The following SEMA6B variants were observed in gnomAD, a reference collection of about 807,000 sequenced individuals.
SEMA6B encodes the protein semaphorin 6B, also known as semaphorin-6B.
A neutral mutation model predicts 78.6 loss-of-function variants in SEMA6B; 47 were observed. That is an observed-to-expected ratio of 0.60 (90% CI 0.47 to 0.76). The LOEUF is 0.76. SEMA6B is among the 30% of genes least tolerant of loss of function. The probability of loss-of-function intolerance (pLI) is 0.00; values close to 1 mark genes in which losing one functional copy is unlikely to be tolerated. For synonymous variants in SEMA6B, 632 were observed against 592.2 expected (o/e 1.07, Z -0.98); for missense variants, 1,213 against 1,269.9 (o/e 0.96, Z 0.68).
In SEMA6B at chr19:4,552,475, G is replaced by A. The variant is rs1030369302; in HGVS notation, c.936C>T (p.Val312=). The A allele has an allele frequency of 1.2e-6, 2 of 1,610,064 alleles. No individual in the cohort carries two copies. Among genetic ancestry groups the A allele is most frequent in the South Asian group, 1.1e-5 (1 of 90,610 alleles). The change falls in exon 10 of 17, where the codon GTC becomes GTT. Residue 312 remains valine (V), a synonymous_variant. Transcript: ENST00000586582. This position sits in a 1 kb window ranked among gnomAD's most constrained non-coding sequence, Gnocchi z 7.4. ...FNVLQAVTGV[V]SLGGRPVVLA... The stretch of plus-strand genomic sequence containing the variant: ...GGACCACGGGCCGGCCCCCGAGGCT[G>A]ACCACGCCCGTGACAGCCTGCAGCA...
intron 14 of SEMA6B, among the ~76,000 whole-genome samples, chr19:4,547,360 G>A (rs947759298): frequency 1.3e-5 from 2 of 152,200 alleles, no homozygotes; most frequent in African/African-American, 2.4e-5. Context: ...GCAAACTGAC[G>A]CTCCAGAAAG....
intron 4 of SEMA6B, 61 bp from the exon 5 acceptor site, chr19:4,557,074 C>T (rs767356071): frequency 9.4e-6 from 15 of 1,591,990 alleles, no homozygotes; most frequent in Non-Finnish European, 8.6e-6. Context: ...GTGACCCCGC[C>T]GTGCTGGGCC....
At chr19:4,545,943 T>G (rs1365437545) in intron 16 of SEMA6B, 6 of 247,182 alleles carry the variant, frequency 2.4e-5, no homozygotes, top group Non-Finnish European at 4.8e-5. Context: ...GGCTAATTTT[T>G]TGTATTTTTA....
At chr19:4,556,215 G>C (rs1035482994) in intron 5 of SEMA6B, 126 bp from the exon 6 acceptor site, 2 of 691,648 alleles carry the variant, frequency 2.9e-6, no homozygotes, top group African/African-American at 1.7e-5. Flanking sequence ...GGCAGGGGCT[G>C]AACCTAGGAC....
chr19:4,544,310 C>A lies in SEMA6B; in HGVS notation c.1958G>T (p.Arg653Leu). Residue 653 changes from arginine (R) to leucine (L), a missense_variant, in exon 17 of 17, where the codon CGC becomes CTC. By Grantham distance (102) the Arg-to-Leu change is moderately radical. Transcript: ENST00000586582. This position sits in a 1 kb window ranked among gnomAD's most constrained non-coding sequence, Gnocchi z 5.1. ...ACCCTGCGCCCTGCGCTCGCCCAGGCGGCTGACGCTCAGCACCGCCTCGCC... is the reference window on the plus strand; with the variant it reads ...ACCCTGCGCCCTGCGCTCGCCCAGGAGGCTGACGCTCAGCACCGCCTCGCC... ...GAGEAVLSVS[R>L]LGERRAQGPG... The A allele has an allele frequency of 1.4e-6, 2 of 1,481,420 alleles. No homozygotes were observed. The highest frequency in any genetic ancestry group is 1.8e-6 in the Non-Finnish European group (2 of 1,121,458). 91.8% of individuals were successfully genotyped at this position (1,481,420 alleles called of 1,614,324 possible).
At position 4,543,450 on chromosome 19, in the gene SEMA6B, T is replaced by C; in HGVS notation, c.*151A>G. Reference sequence around the variant, plus strand: ...GGGAGGGCGAGCTGGTTGTGCTTCCTTGTGGCGGAGGGGGCCCCCCACTCC... The same window carrying C: ...GGGAGGGCGAGCTGGTTGTGCTTCCCTGTGGCGGAGGGGGCCCCCCACTCC... On this transcript the variant is annotated 3_prime_UTR_variant, in exon 17 of 17. Coordinates refer to ENST00000586582, the MANE Select transcript of SEMA6B (RefSeq NM_032108.4). 1 of 151,538 alleles carries C rather than the reference T, an allele frequency of 6.6e-6. No individual in the cohort carries two copies. Among genetic ancestry groups the C allele is most frequent in the Non-Finnish European group, 1.2e-5 (1 of 81,150 alleles). The allele number at this position is 151,538 out of a possible 1,614,324, so 9.4% of individuals were successfully genotyped here.
rs772782783 is a variant in SEMA6B, at chr19:4,548,443, T to C, written c.1274A>G (p.His425Arg). 3.7e-6 allele frequency: 6 copies of C among 1,611,188 alleles called. No homozygotes were observed. Among genetic ancestry groups the C allele is most frequent in the East Asian group, 2.2e-5 (1 of 44,808 alleles). The change falls in exon 13 of 17, where the codon CAC (histidine) becomes CGC (arginine). Residue 425 changes from histidine to arginine, a missense_variant and splice_region_variant. His to Arg is a conservative substitution (Grantham distance 29). Coordinates refer to ENST00000586582, the MANE Select transcript of SEMA6B (RefSeq NM_032108.4). ...GTCCACAGCCACTCGAGTCAGCTGG[T>C]GCCTGGGGGACAGGGCAGGGGAGGG... ...APWILRTLMRHQLTRVAVDVG... is the reference protein window; with the variant it reads ...APWILRTLMRRQLTRVAVDVG...
Position 4,544,538 on chromosome 19 carries a change from G to A in SEMA6B, c.1739-9C>T, listed in dbSNP as rs777859187. The A allele has an allele frequency of 3.4e-5, 50 of 1,483,494 alleles. No homozygotes were observed. The African/African-American group carries it at 5.6e-4, about 17-fold the overall frequency. The allele number at this position is 1,483,494 out of a possible 1,614,324, so 91.9% of individuals were successfully genotyped here. ...GCTGGCCCGCAGGAGTCCTGGCCGG[G>A]GAGCACAGGGGGGTTAGTGGGGCCG... On this transcript the variant is annotated splice_polypyrimidine_tract_variant and intron_variant, in intron 16 of 16. Coordinates refer to ENST00000586582, the MANE Select transcript of SEMA6B (RefSeq NM_032108.4). The surrounding 1 kb of genome is among the most constrained non-coding windows in gnomAD (Gnocchi z 5.1).
rs780160077 is a variant in SEMA6B at position 4,550,975 on chromosome 19, C to T, written c.990-45G>A. ...GAGTTTGGTGAGCCCGGTGGGAGGC[C>T]CCATCTCGGACAAGTGCGTGCAGGA... On this transcript the variant is annotated intron_variant, in intron 10 of 16. Coordinates refer to ENST00000586582, the MANE Select transcript of SEMA6B (RefSeq NM_032108.4). This position sits in a 1 kb window ranked among gnomAD's most constrained non-coding sequence, Gnocchi z 6.6. 1.9e-6 allele frequency: 3 copies of T among 1,608,972 alleles called. No individual in the cohort carries two copies. The highest frequency in any genetic ancestry group is 1.1e-5 in the South Asian group (1 of 90,782).
Position 4,544,630 on chromosome 19 carries a change from T to G in SEMA6B, c.1739-101A>C. 1 of 602,084 alleles carries G rather than the reference T, an allele frequency of 1.7e-6. No homozygotes were observed. Among genetic ancestry groups the G allele is most frequent in the Non-Finnish European group, 2.4e-6 (1 of 409,068 alleles). The allele number at this position is 602,084 out of a possible 1,614,324, so 37.3% of individuals were successfully genotyped here. ...TCTGTCCTCTTTTTTATTATTTTTA[T>G]TTTTTTTTATTTATTTATTTTTTGA... is the stretch of plus-strand genomic sequence containing the variant. On this transcript the variant is annotated intron_variant, in intron 16 of 16. Coordinates refer to ENST00000586582, the MANE Select transcript of SEMA6B (RefSeq NM_032108.4). This position sits in a 1 kb window ranked among gnomAD's most constrained non-coding sequence, Gnocchi z 5.1.
At chr19:4,545,308 T>C (rs1599773055) in intron 16 of SEMA6B, among the ~76,000 whole-genome samples, 1 of 141,148 alleles carries the variant, frequency 7.1e-6, no homozygotes. Context: ...ACTACTGCAC[T>C]CCAGCCTGGG....
At chr19:4,556,825 G>C (rs1977483136) in intron 5 of SEMA6B, 126 bp downstream of exon 5, 3 of 789,934 alleles carry the variant, frequency 3.8e-6, no homozygotes, top group Non-Finnish European at 5.8e-6. Context: ...GGCCAGGGCT[G>C]ATTGGGGGTG....
Position 4,557,188 on chromosome 19 carries a change from G to T in SEMA6B, c.281C>A (p.Thr94Lys). Residue 94 changes from threonine (T) to lysine (K), a missense_variant, in exon 4 of 17, where the codon ACG becomes AAG. Thr to Lys is a moderately conservative substitution (Grantham distance 78, BLOSUM62 -1). Coordinates refer to ENST00000586582, the MANE Select transcript of SEMA6B (RefSeq NM_032108.4). ...NLYRVELEPP[T>K]STELRYQRKL... ...CCTCTGGTACCGCAGCTCCGTGGAC[G>T]TGGGGGGCTCCAGCTCTACGCGGTA... is the stretch of plus-strand genomic sequence containing the variant. 6.2e-7 allele frequency: 1 copy of T among 1,607,300 alleles called. No individual in the cohort carries two copies. The highest frequency in any genetic ancestry group is 8.5e-7 in the Non-Finnish European group (1 of 1,176,270).
chr19:4,550,649 C>A lies in SEMA6B; in HGVS notation c.1121+150G>T. On this transcript the variant is annotated intron_variant, in intron 11 of 16. Coordinates refer to ENST00000586582, the MANE Select transcript of SEMA6B (RefSeq NM_032108.4). The surrounding 1 kb of genome is among the most constrained non-coding windows in gnomAD (Gnocchi z 6.6). The stretch of plus-strand genomic sequence containing the variant: ...AAAGGGCTAGGATTACAGGCGTGAG[C>A]CACCACACCAGGCCTCAGTTTTTCC... The A allele has an allele frequency of 3.0e-6, 3 of 984,150 alleles. No homozygotes were observed. The highest frequency in any genetic ancestry group is 3.0e-6 in the Non-Finnish European group (2 of 671,934). 61.0% of individuals were successfully genotyped at this position (984,150 alleles called of 1,614,324 possible). A position where few individuals can be genotyped will look rare whatever the true frequency, so the allele number is the denominator to read the frequency against.
At position 4,555,382 on chromosome 19, in the gene SEMA6B, C is replaced by A; in HGVS notation, c.562+92G>T. 8.6e-7 allele frequency: 1 copy of A among 1,161,052 alleles called. No homozygotes were observed. The highest frequency in any genetic ancestry group is 1.4e-5 in the South Asian group (1 of 69,468). The allele number at this position is 1,161,052 out of a possible 1,614,324, so 71.9% of individuals were successfully genotyped here. A position where few individuals can be genotyped will look rare whatever the true frequency, so the allele number is the denominator to read the frequency against. ...ACAGCTGGGACAAGTGGTCGTCCAG[C>A]TGCCTTCTAAACAACCCAGACGCTG... On this transcript the variant is annotated intron_variant, in intron 7 of 16. Coordinates refer to ENST00000586582, the MANE Select transcript of SEMA6B (RefSeq NM_032108.4). The surrounding 1 kb of genome is among the most constrained non-coding windows in gnomAD (Gnocchi z 6.1).
chr19:4,549,938 GTC>G (rs1336990560), intron 12 of SEMA6B, among the ~76,000 whole-genome samples, 183 bp downstream of exon 12: 6 of 152,228 alleles, frequency 3.9e-5, no homozygotes, highest in African/African-American at 1.4e-4. Context: ...TGATCCCTCT[GTC>G]TCTCTCTTTG....
chr19:4,556,569 G>A (rs1261680485), intron 5 of SEMA6B, among the ~76,000 whole-genome samples: 1 of 150,400 alleles, frequency 6.6e-6, no homozygotes, highest in Admixed American at 6.7e-5. Context: ...TCGGGATGGG[G>A]ACCTGATCGA....
intron 10 of SEMA6B, among the ~76,000 whole-genome samples, chr19:4,551,601 G>A (rs1977333790): frequency 6.6e-6 from 1 of 151,742 alleles, no homozygotes; most frequent in African/African-American, 2.4e-5. Context: ...GGAGGCTGAG[G>A]CGGGTGGATC....
chr19:4,545,041 T>C (rs1436750728), intron 16 of SEMA6B, among the ~76,000 whole-genome samples: 1 of 152,068 alleles, frequency 6.6e-6, no homozygotes, highest in African/African-American at 2.4e-5. Flanking sequence ...TACCTGTTTG[T>C]TTTATTAAAG....
Sources: allele counts gnomAD v4.1 joint callset (sites outside exome capture counted in the v4.1 genomes callset), GRCh38; gene constraint gnomAD v4.1.1; non-coding constraint Gnocchi (gnomAD v3.1); transcripts MANE v1.5; gene names NCBI Gene and HGNC (gene_info 2026-07-23, HGNC 2026-07-21).